The following IGF2BP1 variants were observed in gnomAD, a reference collection of about 807,000 sequenced individuals.
IGF2BP1 encodes insulin-like growth factor 2 mRNA-binding protein 1.
Under a neutral mutation model 74.9 loss-of-function variants are expected in IGF2BP1, and 11 were observed. The ratio of observed to expected loss-of-function variants is 0.15; its 90% confidence interval spans 0.09 to 0.24. The LOEUF (loss-of-function observed/expected upper bound fraction) is 0.24, where lower values mean the gene tolerates loss of function less well. Ranked by LOEUF, IGF2BP1 falls within the 10% of genes least tolerant of loss-of-function variation. The pLI is 1.00. For synonymous variants in IGF2BP1, 287 were observed against 281.8 expected, an observed-to-expected ratio of 1.02 and a Z score of -0.18; for missense variants, 440 against 757.4, an observed-to-expected ratio of 0.58 and a Z score of 4.92.
At chr17:49,020,021 C>T (rs2041772356) in intron 2 of IGF2BP1, among the ~76,000 whole-genome samples, 1 of 111,512 alleles carries the variant, frequency 9.0e-6, no homozygotes, top group Admixed American at 1.0e-4. Context: ...TATATATACA[C>T]ACACACACAT....
At chr17:49,033,306 G>C (rs1320699832) in intron 5 of IGF2BP1, among the ~76,000 whole-genome samples, 1 of 151,238 alleles carries the variant, frequency 6.6e-6, no homozygotes, top group Non-Finnish European at 1.5e-5. Flanking sequence ...ACACCACCAT[G>C]CCCGGCTGGC....
At chr17:49,040,230 ATCTT>A (rs2042035723) in intron 7 of IGF2BP1, 139 bp downstream of exon 7, 3 of 1,015,702 alleles carry the variant, frequency 3.0e-6, no homozygotes, top group Non-Finnish European at 2.9e-6. Flanking sequence ...GAGAAATAAA[ATCTT>A]TCTTCTTACA....
intron 2 of IGF2BP1, among the ~76,000 whole-genome samples, chr17:49,025,310 CAAAGTGTGTGTGTGTG>C (rs1179105743): frequency 2.8e-4 from 28 of 98,834 alleles, no homozygotes; most frequent in African/African-American, 9.9e-4. Context: ...GTGGGACAAA[CAAAGTGTGTGTGTGTG>C]TGTGTGTGTG....
chr17:48,997,523 C>T lies in IGF2BP1; in HGVS notation c.-223C>T, dbSNP rs1472508795. On this transcript the variant is annotated 5_prime_UTR_variant, in exon 1 of 15. Transcript: ENST00000290341. This position sits in a 1 kb window ranked among gnomAD's most constrained non-coding sequence, Gnocchi z 4.8. The stretch of plus-strand genomic sequence containing the variant: ...GCCGTGTCGTCCGTCTCCCTGCGCG[C>T]CGCGGGCACTTCTCCTGGGCTCTCC... 2.7e-5 allele frequency: 14 copies of T among 522,162 alleles called. No individual in the cohort carries two copies. Among genetic ancestry groups the T allele is most frequent in the Non-Finnish European group, 4.0e-5 (12 of 296,654 alleles). The allele number at this position is 522,162 out of a possible 1,614,324, so 32.3% of individuals were successfully genotyped here. A position where few individuals can be genotyped will look rare whatever the true frequency, so the allele number is the denominator to read the frequency against.
In IGF2BP1 at chr17:49,048,500, G is replaced by A. The variant is rs2042130876; in HGVS notation, c.1642-852G>A. Among the ~76,000 whole-genome samples, 4 of 152,000 alleles carry A rather than the reference G, an allele frequency of 2.6e-5. No homozygotes were observed. In the South Asian group the frequency reaches 8.3e-4, roughly 32 times the overall value. On this transcript the variant is annotated intron_variant, in intron 14 of 14. Transcript: ENST00000290341. ...ACTCCTGACCTCAGGTGATTCACCC[G>A]CCTCAGCTCCCCAAAGCGCTAGGAT...
intron 2 of IGF2BP1, among the ~76,000 whole-genome samples, chr17:49,002,138 C>T (rs963554283): frequency 2.6e-5 from 4 of 151,878 alleles, no homozygotes; most frequent in African/African-American, 9.7e-5. Flanking sequence ...GGTCCTTTTC[C>T]TCTATGTTGA....
At chr17:49,002,793 A>C (rs752154433) in intron 2 of IGF2BP1, among the ~76,000 whole-genome samples, 1 of 151,892 alleles carries the variant, frequency 6.6e-6, no homozygotes, top group Non-Finnish European at 1.5e-5. Flanking sequence ...ACTGGGGTAC[A>C]TTCTTTCCCT....
chr17:49,025,853 CTTTCTT>C (rs1424740151), intron 3 of IGF2BP1, among the ~76,000 whole-genome samples, 187 bp downstream of exon 3: 14 of 140,416 alleles, frequency 1.0e-4, no homozygotes, highest in African/African-American at 3.9e-4. Flanking sequence ...TCTTTCTTTT[CTTTCTT>C]TTTTTTTTTT....
intron 7 of IGF2BP1, among the ~76,000 whole-genome samples, chr17:49,041,007 C>CA (rs993425015): frequency 1.3e-5 from 2 of 152,126 alleles, no homozygotes; most frequent in Non-Finnish European, 2.9e-5. Flanking sequence ...AGTGAAACCT[C>CA]ACCTCTACAG....
At chr17:49,001,925 C>T (rs767634832) in intron 2 of IGF2BP1, among the ~76,000 whole-genome samples, 1 of 152,098 alleles carries the variant, frequency 6.6e-6, no homozygotes, top group Non-Finnish European at 1.5e-5. Flanking sequence ...ACCTTTGTTA[C>T]ACTTGCCACT....
chr17:49,033,376 C>A (rs1328619945), intron 5 of IGF2BP1, among the ~76,000 whole-genome samples: 1 of 151,344 alleles, frequency 6.6e-6, no homozygotes, highest in Non-Finnish European at 1.5e-5. Flanking sequence ...GAGTCTCACT[C>A]TGTCGCCCAG....
intron 5 of IGF2BP1, among the ~76,000 whole-genome samples, chr17:49,035,582 CACAT>C: frequency 6.6e-6 from 1 of 152,330 alleles, no homozygotes; most frequent in Non-Finnish European, 1.5e-5. Context: ...TCTCCCCACA[CACAT>C]GTGGGGCCCC....
rs1303021147 is a variant in IGF2BP1 at position 49,005,561 on chromosome 17, T to A, written c.236+6392T>A. Among the ~76,000 whole-genome samples the A allele has an allele frequency of 3.3e-5, 5 of 152,222 alleles. No individual in the cohort carries two copies. In the East Asian group the frequency reaches 9.6e-4, roughly 29 times the overall value. On this transcript the variant is annotated intron_variant, in intron 2 of 14. Coordinates refer to ENST00000290341, the MANE Select transcript of IGF2BP1 (RefSeq NM_006546.4). The stretch of plus-strand genomic sequence containing the variant: ...ATATGGGATGGCTGGAAATTTTGCT[T>A]ATAGTTTAGAGGAGGGTTGTGGAGA...
chr17:49,032,002 GC>G, intron 5 of IGF2BP1, 29 bp downstream of exon 5: 3 of 1,545,652 alleles, frequency 1.9e-6, no homozygotes, highest in Non-Finnish European at 2.7e-6. Flanking sequence ...GGGGCTGGGT[GC>G]GGTGGGGGGG....
rs1048149330 is a variant in IGF2BP1 at position 49,055,637 on chromosome 17, C to T, written c.*6193C>T. 1.5e-5 allele frequency: 6 copies of T among 398,460 alleles called. No homozygotes were observed. The highest frequency in any genetic ancestry group is 1.2e-4 in the African/African-American group (6 of 48,610). 24.7% of individuals were successfully genotyped at this position (398,460 alleles called of 1,614,324 possible). On this transcript the variant is annotated 3_prime_UTR_variant, in exon 15 of 15. Coordinates refer to ENST00000290341, the MANE Select transcript of IGF2BP1 (RefSeq NM_006546.4). ...ATGTGTTACCATAATGAATAAACGT[C>T]CTCTATCACCATTTGGAGTCTCCCT...
chr17:49,045,468 G>A (rs1185414056), intron 12 of IGF2BP1, among the ~76,000 whole-genome samples: 4 of 152,218 alleles, frequency 2.6e-5, no homozygotes, highest in African/African-American at 9.7e-5. Context: ...TGTGAGGATA[G>A]AGGACTGGGA....
intron 2 of IGF2BP1, among the ~76,000 whole-genome samples, chr17:49,008,065 G>A (rs1358210380): frequency 6.6e-6 from 1 of 152,034 alleles, no homozygotes; most frequent in Non-Finnish European, 1.5e-5. Flanking sequence ...CCAGCTACTT[G>A]GGAGGCTGAG....
intron 2 of IGF2BP1, among the ~76,000 whole-genome samples, chr17:49,016,650 GGT>G (rs1270490212): frequency 6.6e-6 from 1 of 152,106 alleles, no homozygotes; most frequent in African/African-American, 2.4e-5. Context: ...GCATTCCAGT[GGT>G]GTCCTCACCT....
At chr17:49,047,855 C>T (rs1476554559) in intron 14 of IGF2BP1, among the ~76,000 whole-genome samples, 1 of 152,078 alleles carries the variant, frequency 6.6e-6, no homozygotes, top group African/African-American at 2.4e-5. Flanking sequence ...GCTGGGACTA[C>T]AGGCAGGTAC....
Sources: gnomAD v4.1 joint callset for allele counts (sites outside exome capture counted in the v4.1 genomes callset) on GRCh38, gnomAD v4.1.1 for gene constraint, Gnocchi (gnomAD v3.1) non-coding constraint, MANE v1.5 for transcripts, NCBI Gene and HGNC (gene_info 2026-07-23, HGNC 2026-07-21) for gene names.